AUTS2: variants seen among roughly 807,000 people sequenced by gnomAD.
AUTS2 encodes activator of transcription and developmental regulator AUTS2.
In AUTS2, 17 loss-of-function variants were observed where a neutral mutation model predicts 112.4. That is an observed-to-expected ratio of 0.15 (90% CI 0.10 to 0.23). The LOEUF (loss-of-function observed/expected upper bound fraction) is 0.23, where lower values mean the gene tolerates loss of function less well. Among genes scored for constraint, AUTS2 ranks in the 10% least tolerant of loss-of-function variants. The probability of loss-of-function intolerance (pLI) is 1.00; values close to 1 mark genes in which losing one functional copy is unlikely to be tolerated. For synonymous variants in AUTS2, 751 were observed against 702.7 expected, an observed-to-expected ratio of 1.07 and a Z score of -1.09; for missense variants, 1,510 against 1,701.6, an observed-to-expected ratio of 0.89 and a Z score of 1.98.
At chr7:69,856,142 A>G (rs1217079520) in intron 1 of AUTS2, among the ~76,000 whole-genome samples, 2 of 151,816 alleles carry the variant, frequency 1.3e-5, no homozygotes, top group Non-Finnish European at 2.9e-5. Context: ...CATTTTTTTT[A>G]TGTTTCCTCA....
At chr7:70,409,510 T>G (rs573031907) in intron 4 of AUTS2, among the ~76,000 whole-genome samples, 1 of 152,260 alleles carries the variant, frequency 6.6e-6, no homozygotes, top group South Asian at 2.1e-4. Flanking sequence ...GGCTTGTACA[T>G]GTGTGTAGGT....
chr7:70,040,499 CAT>C, intron 2 of AUTS2, among the ~76,000 whole-genome samples: 1 of 152,310 alleles, frequency 6.6e-6, no homozygotes, highest in South Asian at 2.1e-4. Context: ...ATGTTCAAAA[CAT>C]ATATCTTTAA....
intron 4 of AUTS2, among the ~76,000 whole-genome samples, chr7:70,409,927 C>G (rs1043411389): frequency 6.6e-6 from 1 of 152,108 alleles, no homozygotes; most frequent in Non-Finnish European, 1.5e-5. Context: ...AACTCAGGGA[C>G]CTGTTCTCTG....
rs1053964868 is a variant in AUTS2 at position 70,729,270 on chromosome 7, C to T, written c.742+30650C>T. On this transcript the variant is annotated intron_variant, in intron 6 of 18. Coordinates refer to ENST00000342771, the MANE Select transcript of AUTS2 (RefSeq NM_015570.4). ...ACCCCAGTGCTGTTCCCCACTACTC[C>T]TCTGCCTCTCTCCACTTCCCAGTTC... 2.0e-4 allele frequency: 87 copies of T among 439,672 alleles called. 1 individual carries two copies. Among genetic ancestry groups the T allele is most frequent in the African/African-American group, 1.2e-3 (59 of 48,206 alleles). The allele number at this position is 439,672 out of a possible 1,614,324, so 27.2% of individuals were successfully genotyped here.
intron 5 of AUTS2, among the ~76,000 whole-genome samples, chr7:70,543,574 G>A (rs1800644588): frequency 6.6e-6 from 1 of 151,596 alleles, no homozygotes; most frequent in African/African-American, 2.4e-5. Context: ...CTAGCAGAGA[G>A]AGGGACTCAG....
At chr7:70,620,518 T>A (rs1011389961) in intron 5 of AUTS2, among the ~76,000 whole-genome samples, 1 of 152,116 alleles carries the variant, frequency 6.6e-6, no homozygotes, top group Non-Finnish European at 1.5e-5. Context: ...CCCTTTGCTC[T>A]CCTGTGCTGG....
chr7:70,134,217 G>A (rs1186871577), intron 3 of AUTS2, among the ~76,000 whole-genome samples: 1 of 152,152 alleles, frequency 6.6e-6, no homozygotes, highest in Non-Finnish European at 1.5e-5. Context: ...ATGCGTGTCT[G>A]TTTAGTCTCA....
chr7:70,026,117 CAG>C (rs1800511366), intron 2 of AUTS2, among the ~76,000 whole-genome samples: 1 of 152,194 alleles, frequency 6.6e-6, no homozygotes, highest in Admixed American at 6.5e-5. Flanking sequence ...GCTGCAGCTG[CAG>C]GTCTGGCTCC....
intron 4 of AUTS2, among the ~76,000 whole-genome samples, chr7:70,284,043 T>C (rs2129610959): frequency 6.6e-6 from 1 of 152,316 alleles, no homozygotes; most frequent in Non-Finnish European, 1.5e-5. Flanking sequence ...CAAAATCATA[T>C]TTTATTTTGT....
intron 5 of AUTS2, among the ~76,000 whole-genome samples, chr7:70,613,241 CTGTGTGTGTGTG>C (rs71077668): frequency 2.7e-5 from 4 of 147,628 alleles, no homozygotes; most frequent in Non-Finnish European, 4.5e-5. Context: ...GTGTGTGTGT[CTGTGTGTGTGTG>C]TGTGTGTGTG....
chr7:70,233,612 A>G (rs901647317), intron 4 of AUTS2, among the ~76,000 whole-genome samples: 1 of 152,208 alleles, frequency 6.6e-6, no homozygotes, highest in Non-Finnish European at 1.5e-5. Context: ...TATCTGATGT[A>G]TATTTTTCCA....
At chr7:69,681,123 T>C (rs146949903) in intron 1 of AUTS2, among the ~76,000 whole-genome samples, 1 of 152,336 alleles carries the variant, frequency 6.6e-6, no homozygotes, top group African/African-American at 2.4e-5. Context: ...CCATTGAATG[T>C]ATATACCACA....
At chr7:70,452,043 A>G (rs1472554163) in intron 5 of AUTS2, among the ~76,000 whole-genome samples, 2 of 152,202 alleles carry the variant, frequency 1.3e-5, no homozygotes, top group African/African-American at 4.8e-5. Context: ...TTCCAGCTCT[A>G]GCAACATAGT....
At chr7:69,751,410 T>C (rs1364827429) in intron 1 of AUTS2, among the ~76,000 whole-genome samples, 1 of 152,182 alleles carries the variant, frequency 6.6e-6, no homozygotes, top group African/African-American at 2.4e-5. Context: ...TAGATGCCTC[T>C]AGGGAGAAGA....
At chr7:70,422,505 A>G (rs969295815) in intron 4 of AUTS2, among the ~76,000 whole-genome samples, 2 of 152,200 alleles carry the variant, frequency 1.3e-5, no homozygotes, top group African/African-American at 4.8e-5. Context: ...AGCCAGGCAT[A>G]GTGGCTCATG....
Position 70,765,142 on chromosome 7 carries a change from C to T in AUTS2, c.1468+137C>T, listed in dbSNP as rs148916760. ...CTTCCTTACTGTGATCTTCCTCAAA[C>T]GCTCTCTGGCCTGAGGTCCAGCAAA... On this transcript the variant is annotated intron_variant, in intron 8 of 18. Transcript: ENST00000342771. 1,491 of 1,213,824 alleles carry T rather than the reference C, an allele frequency of 1.2e-3. 11 individuals carry two copies. In the African/African-American group the frequency reaches 0.019, roughly 15 times the overall value. 75.2% of individuals were successfully genotyped at this position (1,213,824 alleles called of 1,614,324 possible).
chr7:70,285,955 G>GTA (rs1475132615), intron 4 of AUTS2, among the ~76,000 whole-genome samples: 5 of 152,198 alleles, frequency 3.3e-5, no homozygotes, highest in Non-Finnish European at 5.9e-5. Context: ...TAGCAATGTT[G>GTA]TAAGGGGCTG....
chr7:70,112,797 A>G (rs1021501009), intron 2 of AUTS2, among the ~76,000 whole-genome samples: 4 of 151,968 alleles, frequency 2.6e-5, no homozygotes, highest in East Asian at 3.9e-4. Context: ...CTGTATATCT[A>G]TCCATCTCTC....
At chr7:69,960,037 G>T (rs1237908638) in intron 2 of AUTS2, among the ~76,000 whole-genome samples, 2 of 151,966 alleles carry the variant, frequency 1.3e-5, no homozygotes, top group African/African-American at 4.8e-5. Context: ...TCATTTGTGG[G>T]ATGCTTTGTC....
Sources: allele counts gnomAD v4.1 joint callset (sites outside exome capture counted in the v4.1 genomes callset), GRCh38; gene constraint gnomAD v4.1.1; transcripts MANE v1.5; gene names NCBI Gene and HGNC (gene_info 2026-07-23, HGNC 2026-07-21).